Variants in ITPKB observed in about 807,000 individuals in gnomAD.
The protein encoded by ITPKB is IP3 3-kinase B.
In ITPKB, 13 loss-of-function variants were observed where a neutral mutation model predicts 69.4. The observed-to-expected ratio is 0.19, with a 90% confidence interval of 0.12 to 0.30. The LOEUF is 0.30. ITPKB is among the 10% of genes least tolerant of loss of function. The probability of loss-of-function intolerance (pLI) is 1.00; values close to 1 mark genes in which losing one functional copy is unlikely to be tolerated. For synonymous variants in ITPKB, 584 were observed against 513.7 expected (o/e 1.14, Z -1.85); for missense variants, 1,240 against 1,250.5 (o/e 0.99, Z 0.13).
intron 2 of ITPKB, among the ~76,000 whole-genome samples, chr1:226,665,198 G>A (rs1232552346): frequency 6.6e-6 from 1 of 152,228 alleles, no homozygotes; most frequent in Non-Finnish European, 1.5e-5. Context: ...ACTTAAGATG[G>A]GACCTTCTCT....
At chr1:226,729,134 G>A (rs577261961) in intron 2 of ITPKB, among the ~76,000 whole-genome samples, 2 of 152,244 alleles carry the variant, frequency 1.3e-5, no homozygotes, top group African/African-American at 2.4e-5. Context: ...CATGGGTCCT[G>A]TAATGGTATT....
chr1:226,729,339 G>A (rs530743668), intron 2 of ITPKB, among the ~76,000 whole-genome samples: 1 of 151,774 alleles, frequency 6.6e-6, no homozygotes, highest in South Asian at 2.1e-4. Flanking sequence ...AAAATTATCC[G>A]GGCATGGTGG....
chr1:226,705,385 C>T (rs1424040624), intron 2 of ITPKB, among the ~76,000 whole-genome samples: 2 of 152,062 alleles, frequency 1.3e-5, no homozygotes, highest in Admixed American at 6.5e-5. Flanking sequence ...CAAAATGAGC[C>T]GGGCGTGGTG....
intron 2 of ITPKB, among the ~76,000 whole-genome samples, chr1:226,709,679 G>C (rs1449220111): frequency 6.6e-6 from 1 of 152,104 alleles, no homozygotes; most frequent in Non-Finnish European, 1.5e-5. Context: ...TCCATGACTG[G>C]GGACCAACGG....
intron 2 of ITPKB, among the ~76,000 whole-genome samples, chr1:226,660,803 A>G (rs1278082845): frequency 6.6e-6 from 1 of 152,208 alleles, no homozygotes; most frequent in Non-Finnish European, 1.5e-5. Context: ...CAGCCTTTCG[A>G]GGCTGACTTC....
At chr1:226,645,339 G>A (rs1195734873) in intron 4 of ITPKB, among the ~76,000 whole-genome samples, 1 of 151,752 alleles carries the variant, frequency 6.6e-6, no homozygotes, top group Non-Finnish European at 1.5e-5. Flanking sequence ...ACCAGCCACG[G>A]TCACTCTAGA....
intron 2 of ITPKB, among the ~76,000 whole-genome samples, chr1:226,730,256 T>A (rs781429445): frequency 6.6e-6 from 1 of 152,232 alleles, no homozygotes; most frequent in Non-Finnish European, 1.5e-5. Flanking sequence ...TGGGACTGCC[T>A]GTAGCACCAT....
In ITPKB at chr1:226,702,816, C is replaced by T. The variant is rs548983739; in HGVS notation, c.1932+32711G>A. Among the ~76,000 whole-genome samples, 19 of 152,262 alleles carry T rather than the reference C, an allele frequency of 1.2e-4. No homozygotes were observed. The East Asian group carries it at 3.1e-3, about 25-fold the overall frequency. ...TGCATTCCAATAGTGGCTTCTTGGT[C>T]CCCTGGCATTTTTTGTGCTTACCTT... On this transcript the variant is annotated intron_variant, in intron 2 of 7. Transcript: ENST00000429204.
intron 2 of ITPKB, among the ~76,000 whole-genome samples, chr1:226,713,337 T>C (rs746776875): frequency 1.5e-4 from 23 of 152,104 alleles, no homozygotes; most frequent in Non-Finnish European, 3.1e-4. Flanking sequence ...AGTTCAGAAA[T>C]AGAGTGGAAA....
rs1048045163 is a variant in ITPKB, at chr1:226,662,793, G to A, written c.1933-14022C>T. ...CATATTTCTGACAGATTATGCTGAT[G>A]TGCCTGTGGCTAAATGGCACTCAGC... On this transcript the variant is annotated intron_variant, in intron 2 of 7. Coordinates refer to ENST00000429204, the MANE Select transcript of ITPKB (RefSeq NM_002221.4). 2.0e-5 allele frequency among the ~76,000 whole-genome samples: 3 copies of A among 152,244 alleles called. No homozygotes were observed. The South Asian group carries it at 6.2e-4, about 31-fold the overall frequency.
intron 2 of ITPKB, among the ~76,000 whole-genome samples, chr1:226,716,170 G>A (rs935746528): frequency 6.6e-6 from 1 of 152,206 alleles, no homozygotes; most frequent in Non-Finnish European, 1.5e-5. Flanking sequence ...CTTCTAACCA[G>A]ACGACTTAAA....
intron 7 of ITPKB, among the ~76,000 whole-genome samples, chr1:226,636,695 A>G (rs1171377338): frequency 1.3e-5 from 2 of 151,918 alleles, no homozygotes; most frequent in African/African-American, 4.8e-5. Context: ...AGGGAGCCGC[A>G]GGATCCCGCT....
At chr1:226,708,161 T>C (rs949886950) in intron 2 of ITPKB, among the ~76,000 whole-genome samples, 88 of 152,232 alleles carry the variant, frequency 5.8e-4, no homozygotes, top group Non-Finnish European at 1.9e-4. Flanking sequence ...AATTAGGCAA[T>C]TGATCAAAGA....
chr1:226,680,896 C>A (rs1422054095), intron 2 of ITPKB, among the ~76,000 whole-genome samples: 1 of 152,186 alleles, frequency 6.6e-6, no homozygotes, highest in Non-Finnish European at 1.5e-5. Context: ...CTGCCACCCC[C>A]AACACACACA....
At chr1:226,675,398 A>G (rs1182516162) in intron 2 of ITPKB, among the ~76,000 whole-genome samples, 1 of 152,266 alleles carries the variant, frequency 6.6e-6, no homozygotes, top group African/African-American at 2.4e-5. Context: ...CACGAAGCAC[A>G]GATCAGGACA....
At chr1:226,696,826 A>G (rs3768398) in intron 2 of ITPKB, among the ~76,000 whole-genome samples, 33,858 of 152,146 alleles carry the variant, frequency 0.22, 3,956 homozygotes, top group Middle Eastern at 0.33. Flanking sequence ...AGCCCAAGCC[A>G]TCCCCTGAGG....
At chr1:226,679,012 G>A (rs1042236853) in intron 2 of ITPKB, among the ~76,000 whole-genome samples, 1 of 152,216 alleles carries the variant, frequency 6.6e-6, no homozygotes, top group African/African-American at 2.4e-5. Flanking sequence ...AAGCACTGAC[G>A]CCAGCACTCA....
intron 2 of ITPKB, among the ~76,000 whole-genome samples, chr1:226,674,581 G>A (rs1288909476): frequency 1.3e-5 from 2 of 152,036 alleles, no homozygotes; most frequent in African/African-American, 2.4e-5. Context: ...TGATCTGCCC[G>A]CCTTGGCCTC....
At chr1:226,690,158 G>T (rs973606782) in intron 2 of ITPKB, among the ~76,000 whole-genome samples, 2 of 152,172 alleles carry the variant, frequency 1.3e-5, no homozygotes, top group African/African-American at 2.4e-5. Flanking sequence ...GGATTGAATG[G>T]TATTTCTGTC....
Sources: allele counts gnomAD v4.1 joint callset (sites outside exome capture counted in the v4.1 genomes callset), GRCh38; gene constraint gnomAD v4.1.1; transcripts MANE v1.5; gene names NCBI Gene and HGNC (gene_info 2026-07-23, HGNC 2026-07-21).